Variants in ARHGAP19 observed in about 807,000 individuals in gnomAD.
ARHGAP19 encodes Rho GTPase activating protein 19, also known as rho GTPase-activating protein 19.
A neutral mutation model predicts 60.9 loss-of-function variants in ARHGAP19; 48 were observed. That is an observed-to-expected ratio of 0.79 (90% confidence interval 0.62 to 1.00). The LOEUF (loss-of-function observed/expected upper bound fraction) is 1.00. Ranked by LOEUF, ARHGAP19 falls within the 50% of genes least tolerant of loss-of-function variation. The pLI is 0.00. For missense variants in ARHGAP19, 562 were observed against 597.2 expected, an observed-to-expected ratio of 0.94 and a Z score of 0.61; for synonymous variants, 209 against 215.5, an observed-to-expected ratio of 0.97 and a Z score of 0.27.
intron 1 of ARHGAP19, among the ~76,000 whole-genome samples, chr10:97,290,410 T>A (rs1015133614): frequency 3.3e-5 from 5 of 152,274 alleles, no homozygotes; most frequent in Middle Eastern, 3.4e-3. Flanking sequence ...TTCGTCCTAA[T>A]CAAGTTGAAC....
At chr10:97,256,464 A>C (rs777656820) in intron 5 of ARHGAP19, 60 bp from the exon 6 acceptor site, 17 of 1,185,092 alleles carry the variant, frequency 1.4e-5, no homozygotes, top group African/African-American at 4.5e-5. Context: ...AGTACTTACC[A>C]ATAAGCCTGT....
chr10:97,262,917 T>A (rs180937491), intron 4 of ARHGAP19, among the ~76,000 whole-genome samples: 3 of 152,024 alleles, frequency 2.0e-5, no homozygotes, highest in Admixed American at 2.0e-4. Context: ...GGAGTTTGAG[T>A]CTGGGCAACA....
At chr10:97,273,351 C>T (rs1428481254) in intron 1 of ARHGAP19, among the ~76,000 whole-genome samples, 1 of 151,616 alleles carries the variant, frequency 6.6e-6, no homozygotes, top group African/African-American at 2.4e-5. Context: ...TTAGTAAAGG[C>T]AGGGTTTCAT....
At chr10:97,248,969 A>G (rs1202541199) in intron 6 of ARHGAP19, among the ~76,000 whole-genome samples, 1 of 152,126 alleles carries the variant, frequency 6.6e-6, no homozygotes, top group African/African-American at 2.4e-5. Flanking sequence ...GGAGTGTGCC[A>G]TCACGCCCGG....
At position 97,259,341 on chromosome 10, in the gene ARHGAP19, C is replaced by T. The variant is rs139464320; in HGVS notation, c.840+61G>A. On this transcript the variant is annotated intron_variant, in intron 5 of 11. Transcript: ENST00000358531. Reference sequence around the variant, plus strand: ...CTTGATAATCTCACCAATGTACAGCCATAGAATGAGGCCCAGCCCAAGAAA... The same window carrying T: ...CTTGATAATCTCACCAATGTACAGCTATAGAATGAGGCCCAGCCCAAGAAA... 125 of 1,291,138 alleles carry T rather than the reference C, an allele frequency of 9.7e-5. No individual in the cohort carries two copies. The Middle Eastern group carries it at 1.6e-3, about 17-fold the overall frequency. The allele number at this position is 1,291,138 out of a possible 1,614,324, so 80.0% of individuals were successfully genotyped here. A position where few individuals can be genotyped will look rare whatever the true frequency, so the allele number is the denominator to read the frequency against.
Position 97,285,164 on chromosome 10 carries a change from C to T in ARHGAP19, c.56+7408G>A, listed in dbSNP as rs1008513744. Among the ~76,000 whole-genome samples the T allele has an allele frequency of 4.0e-5, 6 of 151,802 alleles. No homozygotes were observed. In the South Asian group the frequency reaches 1.2e-3, roughly 32 times the overall value. On this transcript the variant is annotated intron_variant, in intron 1 of 11. Coordinates refer to ENST00000358531, the MANE Select transcript of ARHGAP19 (RefSeq NM_032900.6). ...ACAGGCATGAGACACTGTGCAAGGC[C>T]GAAAGTATATACTCTTAAAGCTTCA...
intron 1 of ARHGAP19, 92 bp downstream of exon 1, chr10:97,292,480 C>T: frequency 6.7e-7 from 1 of 1,490,646 alleles, no homozygotes. Context: ...AAACAAAGCC[C>T]GAACCGTGCG....
At chr10:97,284,721 G>C (rs1240759806) in intron 1 of ARHGAP19, among the ~76,000 whole-genome samples, 1 of 151,836 alleles carries the variant, frequency 6.6e-6, no homozygotes, top group African/African-American at 2.4e-5. Context: ...TGCCCAGGCT[G>C]GTCTCAAACT....
Position 97,265,870 on chromosome 10 carries a change from G to C in ARHGAP19, c.312C>G (p.Leu104=). The C allele has an allele frequency of 6.2e-7, 1 of 1,614,036 alleles. No homozygotes were observed. Residue 104 remains leucine (L), a synonymous_variant, in exon 2 of 12, where the codon CTC becomes CTG. Transcript: ENST00000358531. ...AAACACATCTCCTACCCTTTCGCTTGAGAGACATGAGAGACCGGAAGAATC... is the reference window on the plus strand; with the variant it reads ...AAACACATCTCCTACCCTTTCGCTTCAGAGACATGAGAGACCGGAAGAATC... ...ASGFFRSLMS[L]KRKEKGVIFG...
intron 8 of ARHGAP19, among the ~76,000 whole-genome samples, chr10:97,243,619 C>G (rs1380392030): frequency 6.6e-6 from 1 of 152,182 alleles, no homozygotes; most frequent in Non-Finnish European, 1.5e-5. Context: ...TACCATTTTA[C>G]AAACAAAACT....
At chr10:97,239,038 A>C (rs1842426560) in intron 8 of ARHGAP19, among the ~76,000 whole-genome samples, 1 of 152,240 alleles carries the variant, frequency 6.6e-6, no homozygotes, top group Admixed American at 6.5e-5. Flanking sequence ...ACAGGTTTGT[A>C]GCCCAGAAGC....
chr10:97,259,041 T>G (rs1842792627), intron 5 of ARHGAP19, among the ~76,000 whole-genome samples: 1 of 152,250 alleles, frequency 6.6e-6, no homozygotes, highest in African/African-American at 2.4e-5. Flanking sequence ...CTATTCTAAT[T>G]TTATAACATT....
intron 8 of ARHGAP19, 129 bp from the exon 9 acceptor site, chr10:97,235,444 G>A (rs952095110): frequency 2.8e-6 from 2 of 725,096 alleles, no homozygotes; most frequent in African/African-American, 1.8e-5. Flanking sequence ...GGATTAGGAG[G>A]TCAAAAAGCC....
Position 97,225,945 on chromosome 10 carries a change from C to T in ARHGAP19, c.*177G>A. ...GCACTCTCTCAGAAGGCACAGCTTG[C>T]AAACATCATCCAGTGAGTGGGGTTA... is the stretch of plus-strand genomic sequence containing the variant. On this transcript the variant is annotated 3_prime_UTR_variant, in exon 12 of 12. Transcript: ENST00000358531. 1.6e-6 allele frequency: 1 copy of T among 632,690 alleles called. No homozygotes were observed. Among genetic ancestry groups the T allele is most frequent in the Non-Finnish European group, 2.7e-6 (1 of 366,404 alleles). 39.2% of individuals were successfully genotyped at this position (632,690 alleles called of 1,614,324 possible).
At chr10:97,228,170 TC>T (rs1240107739) in intron 11 of ARHGAP19, among the ~76,000 whole-genome samples, 1 of 152,218 alleles carries the variant, frequency 6.6e-6, no homozygotes, top group East Asian at 1.9e-4. Flanking sequence ...TATACTGAAA[TC>T]TAATTTTCCA....
intron 1 of ARHGAP19, among the ~76,000 whole-genome samples, chr10:97,284,580 A>C (rs912158369): frequency 2.0e-5 from 3 of 152,144 alleles, no homozygotes; most frequent in Non-Finnish European, 4.4e-5. Context: ...CTCACGGTTC[A>C]GTGCATCCTT....
At chr10:97,285,698 T>C (rs775028296) in intron 1 of ARHGAP19, among the ~76,000 whole-genome samples, 7 of 152,164 alleles carry the variant, frequency 4.6e-5, no homozygotes, top group Non-Finnish European at 8.8e-5. Context: ...TTTTATATTT[T>C]TAGTAGAGAC....
chr10:97,246,624 T>C (rs188344394), intron 6 of ARHGAP19, among the ~76,000 whole-genome samples: 26 of 152,266 alleles, frequency 1.7e-4, no homozygotes, highest in Admixed American at 1.0e-3. Flanking sequence ...GACAAAAACA[T>C]AGACATTTGT....
chr10:97,279,521 C>T (rs1054865714), intron 1 of ARHGAP19, among the ~76,000 whole-genome samples: 5 of 151,200 alleles, frequency 3.3e-5, no homozygotes, highest in Non-Finnish European at 7.4e-5. Flanking sequence ...GAGGCTGGGT[C>T]TTCCCTTGTT....
Sources: allele counts gnomAD v4.1 joint callset (sites outside exome capture counted in the v4.1 genomes callset), GRCh38; gene constraint gnomAD v4.1.1; transcripts MANE v1.5; gene names NCBI Gene and HGNC (gene_info 2026-07-23, HGNC 2026-07-21).